CEP89: variants seen among roughly 807,000 people sequenced by gnomAD.
CEP89 encodes centrosomal protein of 89 kDa.
In CEP89, 95 loss-of-function variants were observed where a neutral mutation model predicts 97.6. The ratio of observed to expected loss-of-function variants is 0.97; its 90% CI spans 0.82 to 1.15. The LOEUF is 1.15. Ranked by LOEUF, CEP89 falls within the 50% of genes most tolerant of loss-of-function variation. The pLI is 0.00. For missense variants in CEP89, 869 were observed against 947.7 expected (o/e 0.92, Z 1.09); for synonymous variants, 354 against 349.1 (o/e 1.01, Z -0.16).
intron 14 of CEP89, among the ~76,000 whole-genome samples, chr19:32,914,748 G>A (rs865808647): frequency 6.6e-6 from 1 of 152,080 alleles, no homozygotes; most frequent in Non-Finnish European, 1.5e-5. Context: ...CAGGCTGGGC[G>A]TGATGGCTTA....
At chr19:32,880,154 G>C (rs11665717) in intron 18 of CEP89, among the ~76,000 whole-genome samples, 37,607 of 152,200 alleles carry the variant, frequency 0.25, 5,531 homozygotes, top group Non-Finnish European at 0.35. Flanking sequence ...ACCAGGACAC[G>C]AGCCACACCT....
chr19:32,900,954 C>T (rs8107020), intron 15 of CEP89, among the ~76,000 whole-genome samples: 1,561 of 147,660 alleles, frequency 0.011, 16 homozygotes, highest in African/African-American at 0.027. Flanking sequence ...GGCGTGATCT[C>T]GGCTCACCGC....
At chr19:32,952,588 ACACATTAT>A (rs1970944466) in intron 4 of CEP89, among the ~76,000 whole-genome samples, 2 of 152,080 alleles carry the variant, frequency 1.3e-5, no homozygotes, top group Non-Finnish European at 2.9e-5. Context: ...ACTATGAATA[ACACATTAT>A]AATGATGGTG....
chr19:32,926,874 T>C, intron 10 of CEP89, 60 bp downstream of exon 10: 1 of 1,494,422 alleles, frequency 6.7e-7, no homozygotes, highest in Non-Finnish European at 9.3e-7. Context: ...AAATGGTTTT[T>C]AATAGCTATG....
intron 17 of CEP89, among the ~76,000 whole-genome samples, chr19:32,885,509 C>G (rs546214727): frequency 6.6e-6 from 1 of 152,196 alleles, no homozygotes; most frequent in South Asian, 2.1e-4. Flanking sequence ...TTTGTAGAGA[C>G]TGGGGTCTCC....
At chr19:32,957,203 A>G (rs373791404) in intron 3 of CEP89, among the ~76,000 whole-genome samples, 4 of 151,946 alleles carry the variant, frequency 2.6e-5, no homozygotes, top group East Asian at 2.0e-4. Context: ...TATTGCATCA[A>G]TTGAGGGGTA....
At chr19:32,966,516 C>T (rs773707160) in intron 1 of CEP89, 50 bp from the exon 2 acceptor site, 32 of 1,183,778 alleles carry the variant, frequency 2.7e-5, no homozygotes, top group Admixed American at 1.0e-4. Flanking sequence ...CACTGGATCA[C>T]CTGAGTCTTG....
At chr19:32,909,250 G>A (rs1273018462) in intron 14 of CEP89, among the ~76,000 whole-genome samples, 4 of 152,210 alleles carry the variant, frequency 2.6e-5, no homozygotes, top group East Asian at 1.9e-4. Flanking sequence ...AAGGGGACAG[G>A]TTGTATCTAC....
At chr19:32,896,779 C>CTTT (rs1024819296) in intron 16 of CEP89, among the ~76,000 whole-genome samples, 1 of 146,426 alleles carries the variant, frequency 6.8e-6, no homozygotes, top group Non-Finnish European at 1.5e-5. Context: ...CTCTCTCTCT[C>CTTT]TTTTTTTTTT....
Position 32,959,894 on chromosome 19 carries a change from A to G in CEP89, c.305+6T>C. ...GAGGAAGCAGAGGCGGCGATCTGGT[A>G]CCTACCGAGGCCTCAGCTGTGAGGT... is the stretch of plus-strand genomic sequence containing the variant. On this transcript the variant is annotated splice_donor_region_variant and intron_variant, in intron 3 of 18. Coordinates refer to ENST00000305768, the MANE Select transcript of CEP89 (RefSeq NM_032816.5). 1 of 1,614,088 alleles carries G rather than the reference A, an allele frequency of 6.2e-7. No individual in the cohort carries two copies. The highest frequency in any genetic ancestry group is 8.5e-7 in the Non-Finnish European group (1 of 1,179,990).
At position 32,959,915 on chromosome 19, in the gene CEP89, G is replaced by A; in HGVS notation, c.290C>T (p.Ser97Leu). 1 of 1,614,228 alleles carries A rather than the reference G, an allele frequency of 6.2e-7. No homozygotes were observed. Among genetic ancestry groups the A allele is most frequent in the Non-Finnish European group, 8.5e-7 (1 of 1,180,046 alleles). The change falls in exon 3 of 19, where the codon TCA becomes TTA. Residue 97 changes from serine to leucine, a missense_variant. Ser to Leu is a moderately radical substitution (Grantham distance 145). Transcript: ENST00000305768. Reference protein sequence around the residue: ...DSFIEPYATTSQLRPRPNWQS... With the variant: ...DSFIEPYATTLQLRPRPNWQS... ...TGGTACCTACCGAGGCCTCAGCTGT[G>A]AGGTGGTGGCATAGGGCTCGATGAA...
chr19:32,886,827 C>T (rs922494498), intron 17 of CEP89, among the ~76,000 whole-genome samples: 1 of 151,206 alleles, frequency 6.6e-6, no homozygotes, highest in Non-Finnish European at 1.5e-5. Flanking sequence ...CCCTCATAAA[C>T]AGCATGGCAT....
At chr19:32,935,164 G>A (rs1456840341) in intron 7 of CEP89, among the ~76,000 whole-genome samples, 1 of 152,140 alleles carries the variant, frequency 6.6e-6, no homozygotes, top group African/African-American at 2.4e-5. Context: ...AGGAGGAAGA[G>A]GGGTCCCCAC....
chr19:32,883,973 T>C (rs1363320343), intron 17 of CEP89, among the ~76,000 whole-genome samples: 2 of 152,178 alleles, frequency 1.3e-5, no homozygotes, highest in South Asian at 2.1e-4. Flanking sequence ...TACTCACAAT[T>C]ACTATAGATG....
chr19:32,908,441 A>G (rs1239451299), intron 14 of CEP89, among the ~76,000 whole-genome samples: 1 of 152,208 alleles, frequency 6.6e-6, no homozygotes, highest in Non-Finnish European at 1.5e-5. Context: ...TGGAGCCGGG[A>G]GTGTGACCCT....
chr19:32,950,512 C>T (rs1463588161), intron 4 of CEP89, among the ~76,000 whole-genome samples: 3 of 152,150 alleles, frequency 2.0e-5, no homozygotes, highest in East Asian at 3.8e-4. Flanking sequence ...GAGCAGAAAT[C>T]GTGCCATTGC....
chr19:32,953,626 G>A lies in CEP89; in HGVS notation c.481C>T (p.His161Tyr). 2 of 1,604,854 alleles carry A rather than the reference G, an allele frequency of 1.2e-6. No homozygotes were observed. The highest frequency in any genetic ancestry group is 1.7e-6 in the Non-Finnish European group (2 of 1,174,594). The part of the protein sequence containing the change: ...GHSDDLYAVP[H>Y]RNQVPLLHEV... ...AACATAGAAAACACCTGATTTCTGT[G>A]TGGCACAGCGTACAGGTCATCACTG... Residue 161 changes from histidine (H) to tyrosine (Y), a missense_variant, in exon 4 of 19, where the codon CAC becomes TAC. His to Tyr is a moderately conservative substitution (Grantham distance 83). Coordinates refer to ENST00000305768, the MANE Select transcript of CEP89 (RefSeq NM_032816.5).
At chr19:32,959,518 G>A (rs1049654220) in intron 3 of CEP89, among the ~76,000 whole-genome samples, 2 of 152,202 alleles carry the variant, frequency 1.3e-5, no homozygotes, top group African/African-American at 2.4e-5. Flanking sequence ...AGAGATACAC[G>A]TGAGAGGTAA....
intron 6 of CEP89, 31 bp downstream of exon 6, chr19:32,939,826 G>C (rs781724358): frequency 3.0e-6 from 3 of 1,010,348 alleles, no homozygotes; most frequent in Non-Finnish European, 4.5e-6. Flanking sequence ...TATTTATTGA[G>C]AAAATCAGTT....
Sources: gnomAD v4.1 joint callset for allele counts (sites outside exome capture counted in the v4.1 genomes callset) on GRCh38, gnomAD v4.1.1 for gene constraint, MANE v1.5 for transcripts, NCBI Gene and HGNC (gene_info 2026-07-23, HGNC 2026-07-21) for gene names.